SDK1: variants seen among roughly 807,000 people sequenced by gnomAD.
SDK1 encodes protein sidekick-1.
In SDK1, 157 loss-of-function variants were observed where a neutral mutation model predicts 245.5. That is an observed-to-expected ratio of 0.64 (90% CI 0.56 to 0.73). The LOEUF is 0.73. Among genes scored for constraint, SDK1 ranks in the 30% least tolerant of loss-of-function variants. The pLI, the probability that SDK1 is intolerant of heterozygous loss-of-function variation, is 0.00. For missense variants in SDK1, 3,583 were observed against 3,002.3 expected, an observed-to-expected ratio of 1.19 and a Z score of -4.52; for synonymous variants, 1,647 against 1,278.5, an observed-to-expected ratio of 1.29 and a Z score of -6.15.
At chr7:4,158,058 G>A (rs7811419) in intron 30 of SDK1, among the ~76,000 whole-genome samples, 20,804 of 152,148 alleles carry the variant, frequency 0.14, 2,939 homozygotes, top group African/African-American at 0.36. Context: ...GTGATGTGCC[G>A]ACTAGAGTGC....
At chr7:3,588,149 A>C (rs909277595) in intron 1 of SDK1, among the ~76,000 whole-genome samples, 1 of 152,180 alleles carries the variant, frequency 6.6e-6, no homozygotes, top group Non-Finnish European at 1.5e-5. Context: ...AGTTACAGAG[A>C]AATTAAGTGA....
chr7:4,000,183 G>A (rs146165691), intron 14 of SDK1, among the ~76,000 whole-genome samples: 1 of 152,350 alleles, frequency 6.6e-6, no homozygotes, highest in East Asian at 1.9e-4. Context: ...TAGGAGGCCT[G>A]CTGAGGAAAC....
chr7:3,949,826 T>A (rs1425251555), intron 5 of SDK1, among the ~76,000 whole-genome samples: 1 of 152,204 alleles, frequency 6.6e-6, no homozygotes, highest in Non-Finnish European at 1.5e-5. Context: ...ATTCAGGATA[T>A]TTACTTTTCA....
intron 5 of SDK1, among the ~76,000 whole-genome samples, chr7:3,885,642 A>G (rs528039508): frequency 6.6e-6 from 1 of 152,100 alleles, no homozygotes; most frequent in Non-Finnish European, 1.5e-5. Context: ...TCCTAAGTTG[A>G]TAAACGCTGT....
chr7:4,059,201 A>G (rs1203251488), intron 19 of SDK1, among the ~76,000 whole-genome samples: 1 of 152,248 alleles, frequency 6.6e-6, no homozygotes, highest in Non-Finnish European at 1.5e-5. Flanking sequence ...GCTGTGTACA[A>G]GAAACTCAGC....
intron 1 of SDK1, among the ~76,000 whole-genome samples, chr7:3,530,582 A>T (rs2128617808): frequency 6.6e-6 from 1 of 152,364 alleles, no homozygotes. Flanking sequence ...CAACAGAAGG[A>T]GTAAATAGCA....
intron 2 of SDK1, among the ~76,000 whole-genome samples, chr7:3,620,539 G>A (rs1327976053): frequency 6.6e-6 from 1 of 152,148 alleles, no homozygotes; most frequent in African/African-American, 2.4e-5. Flanking sequence ...CTGACCTCAG[G>A]TGATCTGCCT....
chr7:3,690,670 GC>G (rs1784416629), intron 4 of SDK1, among the ~76,000 whole-genome samples: 1 of 152,154 alleles, frequency 6.6e-6, no homozygotes, highest in African/African-American at 2.4e-5. Flanking sequence ...AAGTAAGAAA[GC>G]AGGTCTTCTT....
chr7:3,832,555 G>C (rs1779938240), intron 5 of SDK1, among the ~76,000 whole-genome samples: 1 of 152,184 alleles, frequency 6.6e-6, no homozygotes, highest in Non-Finnish European at 1.5e-5. Flanking sequence ...ATCTGTTAAA[G>C]TGAAAGGCCA....
Position 3,974,393 on chromosome 7 carries a change from G to A in SDK1, c.1842G>A (p.Val614=), listed in dbSNP as rs893767862. 1 of 1,613,610 alleles carries A rather than the reference G, an allele frequency of 6.2e-7. No individual in the cohort carries two copies. Among genetic ancestry groups the A allele is most frequent in the African/African-American group, 1.3e-5 (1 of 74,880 alleles). ...SLRYVWKKDN[V]ALTPSSTSRI... ...GCTACGTTTGGAAGAAGGACAACGT[G>A]GCCCTGACTCCATCGAGCACGTCTA... The change falls in exon 13 of 45, where the codon GTG becomes GTA. Residue 614 remains valine (V), a synonymous_variant. Coordinates refer to ENST00000404826, the MANE Select transcript of SDK1 (RefSeq NM_152744.4).
At chr7:4,104,724 G>A (rs1031980502) in intron 22 of SDK1, among the ~76,000 whole-genome samples, 1 of 152,072 alleles carries the variant, frequency 6.6e-6, no homozygotes, top group Non-Finnish European at 1.5e-5. Flanking sequence ...TTATTTTTGA[G>A]GCAGGGTCTC....
intron 1 of SDK1, chr7:3,338,718 G>T (rs4255031): frequency 0.44 from 76,018 of 174,344 alleles, 16,891 homozygotes; most frequent in East Asian, 0.55. Context: ...TTACATGGAA[G>T]CATGGAAGCC....
intron 30 of SDK1, among the ~76,000 whole-genome samples, chr7:4,153,232 ATTTCTT>A (rs1362179548): frequency 7.0e-6 from 1 of 143,140 alleles, no homozygotes; most frequent in African/African-American, 2.7e-5. Context: ...CTTTTGACTG[ATTTCTT>A]TTTTTTTTTT....
intron 1 of SDK1, among the ~76,000 whole-genome samples, chr7:3,500,181 T>C (rs915929520): frequency 6.6e-6 from 1 of 152,310 alleles, no homozygotes; most frequent in East Asian, 1.9e-4. Context: ...TCTCTATATC[T>C]GTTGTTTAGC....
intron 1 of SDK1, among the ~76,000 whole-genome samples, chr7:3,567,658 C>G (rs1266679840): frequency 1.3e-5 from 2 of 152,276 alleles, no homozygotes; most frequent in Non-Finnish European, 1.5e-5. Context: ...TTGTATCATT[C>G]CAGAATTGTC....
chr7:4,013,132 A>G (rs1456941179), intron 16 of SDK1, among the ~76,000 whole-genome samples: 1 of 152,208 alleles, frequency 6.6e-6, no homozygotes, highest in Non-Finnish European at 1.5e-5. Context: ...TGCAGGCCAG[A>G]TGTGGCTGAA....
chr7:3,683,390 G>T (rs1784169385), intron 4 of SDK1, among the ~76,000 whole-genome samples: 1 of 152,122 alleles, frequency 6.6e-6, no homozygotes, highest in South Asian at 2.1e-4. Flanking sequence ...ATAGGAAGCA[G>T]ACAGGGAGAT....
At chr7:3,992,939 C>T (rs779441617) in intron 14 of SDK1, among the ~76,000 whole-genome samples, 2 of 152,150 alleles carry the variant, frequency 1.3e-5, no homozygotes, top group South Asian at 2.1e-4. Flanking sequence ...GATACTGACC[C>T]GTTTTGCATC....
At chr7:3,675,546 T>A (rs926762507) in intron 4 of SDK1, among the ~76,000 whole-genome samples, 2 of 135,384 alleles carry the variant, frequency 1.5e-5, no homozygotes, top group African/African-American at 6.1e-5. Flanking sequence ...CCTTTCTTCC[T>A]CCCCCTACTC....
Sources: gnomAD v4.1 joint callset for allele counts (sites outside exome capture counted in the v4.1 genomes callset) on GRCh38, gnomAD v4.1.1 for gene constraint, MANE v1.5 for transcripts, NCBI Gene and HGNC (gene_info 2026-07-23, HGNC 2026-07-21) for gene names.